ATCAY: variants seen among roughly 807,000 people sequenced by gnomAD.
ATCAY encodes ATCAY kinesin light chain interacting caytaxin, also known as caytaxin.
A neutral mutation model predicts 47.7 loss-of-function variants in ATCAY; 22 were observed. The observed-to-expected ratio is 0.46, with a 90% CI of 0.33 to 0.66. The LOEUF (loss-of-function observed/expected upper bound fraction) is 0.66, where lower values mean the gene tolerates loss of function less well. Among genes scored for constraint, ATCAY ranks in the 30% least tolerant of loss-of-function variants. ATCAY has a pLI of 0.02. For missense variants in ATCAY, 452 were observed against 515.0 expected (o/e 0.88, Z 1.18); for synonymous variants, 216 against 207.6 (o/e 1.04, Z -0.35).
intron 9 of ATCAY, among the ~76,000 whole-genome samples, chr19:3,916,374 G>A (rs1371702619): frequency 2.0e-5 from 3 of 152,164 alleles, no homozygotes; most frequent in African/African-American, 4.8e-5. Flanking sequence ...ACCTATGACC[G>A]TAGATGTACA....
rs562825256 is a variant in ATCAY at position 3,921,310 on chromosome 19, A to G, written c.1106+512A>G. On this transcript the variant is annotated intron_variant, in intron 12 of 12. Transcript: ENST00000450849. ...CGGATCATTTGAGGTCAGGAGTTCA[A>G]GACCAGCCTGGGCAACATGGCAAGA... 8.6e-5 allele frequency among the ~76,000 whole-genome samples: 13 copies of G among 151,574 alleles called. 1 individual carries two copies. The East Asian group carries it at 2.5e-3, about 30-fold the overall frequency.
intron 9 of ATCAY, among the ~76,000 whole-genome samples, chr19:3,915,659 C>T (rs1374465173): frequency 6.6e-6 from 1 of 150,456 alleles, no homozygotes; most frequent in Non-Finnish European, 1.5e-5. Context: ...TCAAGTGATT[C>T]TCCTGCCTCA....
intron 2 of ATCAY, among the ~76,000 whole-genome samples, chr19:3,891,423 G>A (rs1015883370): frequency 2.6e-5 from 4 of 151,978 alleles, no homozygotes; most frequent in Non-Finnish European, 4.4e-5. Context: ...GCAGCCCGGA[G>A]ATTGCTGCCT....
chr19:3,893,304 G>A (rs2038735789), intron 2 of ATCAY, among the ~76,000 whole-genome samples: 1 of 151,702 alleles, frequency 6.6e-6, no homozygotes, highest in Admixed American at 6.6e-5. Context: ...CTCCCAAGTA[G>A]CTGTAGCTGG....
intron 11 of ATCAY, chr19:3,920,275 T>G (rs886405300): frequency 6.6e-6 from 1 of 151,464 alleles, no homozygotes; most frequent in African/African-American, 2.4e-5. Flanking sequence ...AGCCCGGAGC[T>G]GGAAGCTGCA....
chr19:3,911,476 A>T (rs2038922079), intron 8 of ATCAY, among the ~76,000 whole-genome samples: 1 of 152,086 alleles, frequency 6.6e-6, no homozygotes, highest in African/African-American at 2.4e-5. Context: ...GTGAGCTATG[A>T]TCACTCCACT....
rs2038765495 is a variant in ATCAY, at chr19:3,895,846, G to A, written c.78-6641G>A. ...TCCTCCTGCCTCAGCCTCCTTAGTA[G>A]CTGGGATTACAAGTGCATGCCACCA... On this transcript the variant is annotated intron_variant, in intron 2 of 12. Transcript: ENST00000450849. Among the ~76,000 whole-genome samples, 4 of 151,092 alleles carry A rather than the reference G, an allele frequency of 2.6e-5. No individual in the cohort carries two copies. The South Asian group carries it at 8.4e-4, about 32-fold the overall frequency.
Position 3,905,600 on chromosome 19 carries a change from C to G in ATCAY, c.303C>G (p.Pro101=). 1 of 1,613,684 alleles carries G rather than the reference C, an allele frequency of 6.2e-7. No individual in the cohort carries two copies. The highest frequency in any genetic ancestry group is 8.5e-7 in the Non-Finnish European group (1 of 1,179,826). The change falls in exon 4 of 13, where the codon CCC becomes CCG. Residue 101 remains proline, a synonymous_variant. Coordinates refer to ENST00000450849, the MANE Select transcript of ATCAY (RefSeq NM_033064.5). ...LDINVDDIET[P]DETDSLEFLG... ...TTAACGTGGATGACATCGAGACCCC[C>G]GATGAGACCGACTCGCTGGAGTTCC...
chr19:3,906,500 C>T (rs558516647), intron 4 of ATCAY, among the ~76,000 whole-genome samples: 2 of 151,726 alleles, frequency 1.3e-5, no homozygotes, highest in South Asian at 4.2e-4. Context: ...ATGGGGTTTT[C>T]CCATGTTGCC....
At chr19:3,887,722 G>C (rs1037006137) in intron 2 of ATCAY, among the ~76,000 whole-genome samples, 15 of 150,134 alleles carry the variant, frequency 1.0e-4, no homozygotes, top group Non-Finnish European at 2.1e-4. Context: ...GTCTGACCTC[G>C]TGATCCGCCC....
At position 3,926,473 on chromosome 19, in the gene ATCAY, T is replaced by C. The variant is rs536572116; in HGVS notation, c.*1881T>C. The C allele has an allele frequency of 3.2e-4, 49 of 152,342 alleles. No individual in the cohort carries two copies. The highest frequency in any genetic ancestry group is 1.0e-3 in the African/African-American group (43 of 41,574). The allele number at this position is 152,342 out of a possible 1,614,324, so 9.4% of individuals were successfully genotyped here. ...GCTCTGTGGTTGACCTCTCAGCAAG[T>C]GCTATCCAGGCTGGGCCAACCAGAC... is the stretch of plus-strand genomic sequence containing the variant. On this transcript the variant is annotated 3_prime_UTR_variant, in exon 13 of 13. Transcript: ENST00000450849.
At chr19:3,884,552 G>T (rs2038630661) in intron 1 of ATCAY, among the ~76,000 whole-genome samples, 1 of 152,136 alleles carries the variant, frequency 6.6e-6, no homozygotes, top group Non-Finnish European at 1.5e-5. Context: ...ACTTTAGTAT[G>T]AATGACTGTT....
intron 2 of ATCAY, among the ~76,000 whole-genome samples, chr19:3,897,769 A>G (rs10414813): frequency 0.48 from 72,866 of 151,652 alleles, 19,028 homozygotes; most frequent in African/African-American, 0.67. Context: ...TCAGCTGAGC[A>G]TGGTGGTGGG....
chr19:3,922,176 G>A, intron 12 of ATCAY: 3 of 702,228 alleles, frequency 4.3e-6, no homozygotes, highest in Non-Finnish European at 7.8e-6. Context: ...CCCCTGCACA[G>A]ATCAAGCTGA....
rs746401881 is a variant in ATCAY, at chr19:3,920,757, C to T, written c.1074-9C>T. 2.5e-6 allele frequency: 4 copies of T among 1,610,174 alleles called. No homozygotes were observed. Among genetic ancestry groups the T allele is most frequent in the Non-Finnish European group, 3.4e-6 (4 of 1,177,398 alleles). The stretch of plus-strand genomic sequence containing the variant: ...CAAATAACGCCCAGTCTCCGTCTCT[C>T]CTCCACAGGTCTGCTCTGGTCTCAG... On this transcript the variant is annotated splice_polypyrimidine_tract_variant and intron_variant, in intron 11 of 12. Transcript: ENST00000450849.
chr19:3,922,030 A>C (rs1033249102), intron 12 of ATCAY: 7 of 644,108 alleles, frequency 1.1e-5, no homozygotes, highest in Non-Finnish European at 2.0e-5. Flanking sequence ...TATTTCTCCC[A>C]GCAGGGATGT....
intron 2 of ATCAY, among the ~76,000 whole-genome samples, chr19:3,897,871 G>T (rs549781939): frequency 1.3e-5 from 2 of 152,134 alleles, no homozygotes; most frequent in African/African-American, 4.8e-5. Flanking sequence ...TTGTGCCACT[G>T]CACTCCAGCC....
intron 8 of ATCAY, among the ~76,000 whole-genome samples, chr19:3,912,376 C>T (rs1019648170): frequency 1.3e-5 from 2 of 151,662 alleles, no homozygotes; most frequent in Admixed American, 6.6e-5. Context: ...TGCAGTGGCG[C>T]GATCTCAGCT....
chr19:3,905,693 A>ACC (rs560509543), intron 4 of ATCAY, 38 bp downstream of exon 4: 6 of 1,368,782 alleles, frequency 4.4e-6, no homozygotes, highest in South Asian at 1.2e-5. Context: ...GCTGGAGCCC[A>ACC]CCCCCCCCAC....
Sources: gnomAD v4.1 joint callset for allele counts (sites outside exome capture counted in the v4.1 genomes callset) on GRCh38, gnomAD v4.1.1 for gene constraint, MANE v1.5 for transcripts, NCBI Gene and HGNC (gene_info 2026-07-23, HGNC 2026-07-21) for gene names.